The following BNC2 variants were observed in gnomAD, a reference collection of about 807,000 sequenced individuals.
BNC2 encodes basonuclin zinc finger protein 2.
A neutral mutation model predicts 76.3 loss-of-function variants in BNC2; 20 were observed. The observed-to-expected ratio is 0.26, with a 90% CI of 0.18 to 0.38. The LOEUF (loss-of-function observed/expected upper bound fraction) is 0.38. Among genes scored for constraint, BNC2 ranks in the 10% least tolerant of loss-of-function variants. BNC2 has a pLI of 1.00. For missense variants in BNC2, 1,382 were observed against 1,399.8 expected (o/e 0.99, Z 0.20); for synonymous variants, 582 against 514.8 (o/e 1.13, Z -1.77).
chr9:16,729,406 C>T lies in BNC2; in HGVS notation c.130-1409G>A, dbSNP rs141799918. On this transcript the variant is annotated intron_variant, in intron 2 of 6. Transcript: ENST00000380672. ...CAATAAACCTTACTCTCTGAAACAACAAAAGAAACAGAAAAGAGCTTCAAT... is the reference window on the plus strand; with the variant it reads ...CAATAAACCTTACTCTCTGAAACAATAAAAGAAACAGAAAAGAGCTTCAAT... 3.4e-3 allele frequency among the ~76,000 whole-genome samples: 525 copies of T among 152,198 alleles called. 4 individuals are homozygous for T. The highest frequency in any genetic ancestry group is 0.012 in the African/African-American group (496 of 41,504).
intron 1 of BNC2, among the ~76,000 whole-genome samples, chr9:16,862,124 TA>T (rs1405907997): frequency 1.3e-5 from 2 of 152,158 alleles, no homozygotes; most frequent in Non-Finnish European, 2.9e-5. Flanking sequence ...CTCAAAAAGT[TA>T]TAAGTAGATA....
intron 5 of BNC2, among the ~76,000 whole-genome samples, chr9:16,501,138 A>G (rs1324439620): frequency 6.6e-6 from 1 of 152,244 alleles, no homozygotes; most frequent in Non-Finnish European, 1.5e-5. Context: ...GTGTGGTAAC[A>G]AAATGAGCAA....
intron 1 of BNC2, among the ~76,000 whole-genome samples, chr9:16,744,345 G>A (rs1463977551): frequency 6.6e-6 from 1 of 152,132 alleles, no homozygotes; most frequent in Non-Finnish European, 1.5e-5. Flanking sequence ...ACGTGGGAGA[G>A]ACTTAGTTTC....
At chr9:16,667,131 G>A (rs1822324456) in intron 3 of BNC2, among the ~76,000 whole-genome samples, 1 of 149,452 alleles carries the variant, frequency 6.7e-6, no homozygotes. Context: ...ACACGCCGAT[G>A]TTATAAAAGT....
At chr9:16,508,521 T>C (rs191968392) in intron 5 of BNC2, among the ~76,000 whole-genome samples, 30 of 152,364 alleles carry the variant, frequency 2.0e-4, no homozygotes, top group African/African-American at 7.2e-4. Context: ...TTCTGGCATG[T>C]ACATGTTGGC....
intron 3 of BNC2, chr9:16,626,108 T>C (rs1248088575): frequency 2.0e-5 from 3 of 152,208 alleles, no homozygotes; most frequent in Non-Finnish European, 2.9e-5. Context: ...TGCCAGTCTC[T>C]TTAGCACAGA....
At chr9:16,600,115 A>C (rs1820205791) in intron 3 of BNC2, among the ~76,000 whole-genome samples, 2 of 152,190 alleles carry the variant, frequency 1.3e-5, no homozygotes, top group African/African-American at 4.8e-5. Context: ...GACCACAAAT[A>C]CTGCTATTTA....
At chr9:16,847,565 G>C (rs377156988) in intron 1 of BNC2, among the ~76,000 whole-genome samples, 3 of 152,038 alleles carry the variant, frequency 2.0e-5, no homozygotes, top group East Asian at 3.9e-4. Context: ...TTTCAATCAG[G>C]AATAGAACAT....
At chr9:16,539,770 A>C (rs1311007343) in intron 5 of BNC2, among the ~76,000 whole-genome samples, 1 of 57,110 alleles carries the variant, frequency 1.8e-5, no homozygotes, top group Admixed American at 1.5e-4. Context: ...AAAGGAAAAG[A>C]AAGGAAAGGA....
At chr9:16,751,756 C>T (rs1208182898) in intron 1 of BNC2, among the ~76,000 whole-genome samples, 1 of 151,666 alleles carries the variant, frequency 6.6e-6, no homozygotes, top group Non-Finnish European at 1.5e-5. Context: ...TTCAGCCAGG[C>T]GCAGTGGCTC....
At chr9:16,428,031 G>GT (rs991226973) in intron 6 of BNC2, among the ~76,000 whole-genome samples, 2 of 152,044 alleles carry the variant, frequency 1.3e-5, no homozygotes, top group African/African-American at 2.4e-5. Flanking sequence ...GAAGTTAAGT[G>GT]TTTTTTTAAT....
chr9:16,782,446 A>G (rs545217648), intron 1 of BNC2, among the ~76,000 whole-genome samples: 1 of 152,298 alleles, frequency 6.6e-6, no homozygotes, highest in Non-Finnish European at 1.5e-5. Context: ...AGCCAAAATG[A>G]GAGTTCTAGT....
chr9:16,763,503 G>T (rs1387780850), intron 1 of BNC2, among the ~76,000 whole-genome samples: 2 of 152,078 alleles, frequency 1.3e-5, no homozygotes, highest in Non-Finnish European at 1.5e-5. Flanking sequence ...CCAGGAGGTT[G>T]AGGCTGCAGT....
At chr9:16,668,325 G>A (rs527461828) in intron 3 of BNC2, among the ~76,000 whole-genome samples, 9 of 152,260 alleles carry the variant, frequency 5.9e-5, no homozygotes, top group African/African-American at 9.6e-5. Context: ...GCGGGAGCTC[G>A]ATGTGTTAAT....
At chr9:16,605,221 T>C (rs1423436739) in intron 3 of BNC2, among the ~76,000 whole-genome samples, 1 of 152,244 alleles carries the variant, frequency 6.6e-6, no homozygotes, top group Non-Finnish European at 1.5e-5. Flanking sequence ...TTTCATGTTT[T>C]CAAGTATATA....
rs745647566 is a variant in BNC2 at position 16,418,698 on chromosome 9, ATG to A, written c.*289_*290del. 2,737 of 279,070 alleles carry A rather than the reference ATG, an allele frequency of 9.8e-3. No homozygotes were observed. The highest frequency in any genetic ancestry group is 0.015 in the South Asian group (426 of 28,426). 17.3% of individuals were successfully genotyped at this position (279,070 alleles called of 1,614,324 possible). ...TGTGTGTGTGTGTGTGTGTATGTGC[ATG>A]TGTGTGTGTGTGTGTTTAAAGGGGT... On this transcript the variant is annotated 3_prime_UTR_variant, in exon 7 of 7. Transcript: ENST00000380672.
chr9:16,750,705 CCT>C (rs1250273316), intron 1 of BNC2, among the ~76,000 whole-genome samples: 7 of 152,236 alleles, frequency 4.6e-5, no homozygotes, highest in African/African-American at 1.4e-4. Flanking sequence ...CCGCTGCCAC[CCT>C]GTTTTCAACT....
chr9:16,448,107 G>GGGAT lies in BNC2; in HGVS notation c.670-10584_670-10583insATCC, dbSNP rs570974558. Among the ~76,000 whole-genome samples, 105 of 152,220 alleles carry GGGAT rather than the reference G, an allele frequency of 6.9e-4. 2 individuals are homozygous for GGGAT. In the East Asian group the frequency reaches 0.018, roughly 26 times the overall value. Reference sequence around the variant, plus strand: ...AAGATAAATCCCTGGTCTTAGGACAGCTATAAATCTGCTTGCTTTACAATA... The same window carrying GGGAT: ...AAGATAAATCCCTGGTCTTAGGACAGGGATCTATAAATCTGCTTGCTTTACAATA... On this transcript the variant is annotated intron_variant, in intron 5 of 6. Transcript: ENST00000380672.
intron 5 of BNC2, among the ~76,000 whole-genome samples, chr9:16,547,567 G>C (rs968954661): frequency 6.6e-6 from 1 of 152,148 alleles, no homozygotes; most frequent in African/African-American, 2.4e-5. Context: ...ATTGTGATAG[G>C]AGTTTGAAGG....
Sources: gnomAD v4.1 joint callset for allele counts (sites outside exome capture counted in the v4.1 genomes callset) on GRCh38, gnomAD v4.1.1 for gene constraint, MANE v1.5 for transcripts, NCBI Gene and HGNC (gene_info 2026-07-23, HGNC 2026-07-21) for gene names.